The following EPM2A variants were observed in gnomAD, a reference collection of about 807,000 sequenced individuals.
The protein encoded by EPM2A is EPM2A glucan phosphatase, laforin.
EPM2A carries 21 observed loss-of-function variants against 26.5 expected under a neutral mutation model. That is an observed-to-expected ratio of 0.79 (90% CI 0.56 to 1.14). EPM2A has a LOEUF of 1.14. Among genes scored for constraint, EPM2A ranks in the 50% most tolerant of loss-of-function variants. The pLI is 0.00. For synonymous variants in EPM2A, 217 were observed against 177.6 expected (o/e 1.22, Z -1.76); for missense variants, 458 against 440.8 (o/e 1.04, Z -0.35).
At chr6:145,616,452 C>G (rs545295068) in intron 2 of EPM2A, among the ~76,000 whole-genome samples, 6 of 152,178 alleles carry the variant, frequency 3.9e-5, no homozygotes, top group Non-Finnish European at 8.8e-5. Context: ...GCTAGGGCAG[C>G]GAGGAAGGGA....
intron 1 of EPM2A, among the ~76,000 whole-genome samples, chr6:145,688,127 G>A (rs1781052119): frequency 6.6e-6 from 1 of 151,916 alleles, no homozygotes; most frequent in Non-Finnish European, 1.5e-5. Context: ...TTTATCATAA[G>A]AGCAACTAAA....
chr6:145,506,750 A>G (rs1348696555), intron 2 of EPM2A, among the ~76,000 whole-genome samples: 1 of 152,228 alleles, frequency 6.6e-6, no homozygotes, highest in Admixed American at 6.5e-5. Context: ...GGCGTGGCCC[A>G]GTCTCCAGCT....
At chr6:145,390,568 T>A (rs1167680432) in intron 4 of EPM2A, among the ~76,000 whole-genome samples, 1 of 151,336 alleles carries the variant, frequency 6.6e-6, no homozygotes, top group African/African-American at 2.4e-5. Context: ...GCACATTCTC[T>A]CTCTCTCTCT....
intron 1 of EPM2A, among the ~76,000 whole-genome samples, chr6:145,728,516 T>C (rs1336690207): frequency 6.6e-6 from 1 of 152,240 alleles, no homozygotes; most frequent in Non-Finnish European, 1.5e-5. Flanking sequence ...ATTGTGCTCC[T>C]GCTCTAGAGA....
At position 145,465,552 on chromosome 6, in the gene EPM2A, T is replaced by G. The variant is rs993047276; in HGVS notation, c.555+36970A>C. On this transcript the variant is annotated intron_variant, in intron 4 of 4. Coordinates refer to the EPM2A transcript ENST00000638717. ...TTGGAGAGGAGAGGCGCTCTGCTTTTTAGAGTTTCCAGTTTTTCTGCTCTG... is the reference window on the plus strand; with the variant it reads ...TTGGAGAGGAGAGGCGCTCTGCTTTGTAGAGTTTCCAGTTTTTCTGCTCTG... Among the ~76,000 whole-genome samples, 3 of 151,318 alleles carry G rather than the reference T, an allele frequency of 2.0e-5. No homozygotes were observed. The Admixed American group carries it at 2.0e-4, about 10-fold the overall frequency.
At chr6:145,475,269 T>A (rs545973882) in intron 4 of EPM2A, among the ~76,000 whole-genome samples, 3 of 152,254 alleles carry the variant, frequency 2.0e-5, no homozygotes, top group Admixed American at 1.3e-4. Flanking sequence ...ATATACACCA[T>A]GGAATACTAT....
chr6:145,584,891 C>T (rs993565023), intron 2 of EPM2A, among the ~76,000 whole-genome samples: 5 of 152,184 alleles, frequency 3.3e-5, no homozygotes, highest in East Asian at 1.9e-4. Flanking sequence ...GATGTCCCTC[C>T]GGGCTGCATT....
At position 145,635,642 on chromosome 6, in the gene EPM2A, G is replaced by C. The variant is rs1776607507; in HGVS notation, c.477-156C>G. 8.5e-6 allele frequency: 6 copies of C among 704,756 alleles called. No individual in the cohort carries two copies. The East Asian group carries it at 1.3e-4, about 16-fold the overall frequency. 43.7% of individuals were successfully genotyped at this position (704,756 alleles called of 1,614,324 possible). A position where few individuals can be genotyped will look rare whatever the true frequency, so the allele number is the denominator to read the frequency against. On this transcript the variant is annotated intron_variant, in intron 2 of 3. Transcript: ENST00000367519. ...GAATATGAACACCAATGTTATTATT[G>C]AAAGAAAAAGTACTGGTGTTGCTGC...
intron 1 of EPM2A, among the ~76,000 whole-genome samples, chr6:145,698,114 CGTT>C (rs1562499633): frequency 6.6e-6 from 1 of 152,192 alleles, no homozygotes; most frequent in Admixed American, 6.5e-5. Flanking sequence ...TCACAATCCA[CGTT>C]CTTCTGCCAT....
chr6:145,577,764 C>A (rs1347317863), intron 2 of EPM2A, among the ~76,000 whole-genome samples: 2 of 151,998 alleles, frequency 1.3e-5, no homozygotes, highest in African/African-American at 4.8e-5. Flanking sequence ...CTCATTAGCA[C>A]ATGAAACATA....
In EPM2A at chr6:145,735,251, G is replaced by T. The variant is rs780634800; in HGVS notation, c.248C>A (p.Thr83Lys). 4 of 1,533,880 alleles carry T rather than the reference G, an allele frequency of 2.6e-6. No homozygotes were observed. The South Asian group carries it at 4.8e-5, about 19-fold the overall frequency. Residue 83 changes from threonine (T) to lysine (K), a missense_variant, in exon 1 of 4, where the codon ACG becomes AAG. Transcript: ENST00000367519. ...CCGCTTCAGGAACTTGTACCAGAAC[G>T]TGTCCACGCGGCCCGGCTCCGCCCC... Reference protein sequence around the residue: ...QDGAEPGRVDTFWYKFLKREP... With the variant: ...QDGAEPGRVDKFWYKFLKREP...
At chr6:145,690,552 C>CTCAT (rs1781218311) in intron 1 of EPM2A, among the ~76,000 whole-genome samples, 1 of 148,754 alleles carries the variant, frequency 6.7e-6, no homozygotes, top group African/African-American at 2.5e-5. Flanking sequence ...AAGAGCTAAC[C>CTCAT]TCATTACATA....
intron 4 of EPM2A, among the ~76,000 whole-genome samples, chr6:145,415,705 T>A (rs564939191): frequency 1.7e-4 from 26 of 152,314 alleles, no homozygotes; most frequent in African/African-American, 6.0e-4. Flanking sequence ...GTACATTATC[T>A]TATCTTATTC....
intron 4 of EPM2A, among the ~76,000 whole-genome samples, chr6:145,392,948 A>G (rs1309090919): frequency 6.6e-6 from 1 of 152,102 alleles, no homozygotes; most frequent in African/African-American, 2.4e-5. Flanking sequence ...ATTCAATGAT[A>G]TATCCAAAAA....
Position 145,690,976 on chromosome 6 carries a change from TA to T in EPM2A, c.302-4681del, listed in dbSNP as rs879100094. Among the ~76,000 whole-genome samples, 850 of 137,742 alleles carry T rather than the reference TA, an allele frequency of 6.2e-3. 13 individuals carry two copies. In the East Asian group the frequency reaches 0.065, roughly 11 times the overall value. 90.4% of individuals were successfully genotyped at this position (137,742 alleles called of 152,430 possible). ...CAAACAACAGAAAAGTAGGCTGAAT[TA>T]AAAAAAAAAAAAACAGACACTTAGG... On this transcript the variant is annotated intron_variant, in intron 1 of 3. Transcript: ENST00000367519.
chr6:145,578,685 GA>G (rs1470435249), intron 2 of EPM2A, among the ~76,000 whole-genome samples: 2 of 152,108 alleles, frequency 1.3e-5, no homozygotes, highest in African/African-American at 4.8e-5. Flanking sequence ...TATCCTTTTG[GA>G]AAAACAAATA....
intron 4 of EPM2A, among the ~76,000 whole-genome samples, chr6:145,409,520 G>A (rs941498207): frequency 6.6e-6 from 1 of 152,120 alleles, no homozygotes; most frequent in Non-Finnish European, 1.5e-5. Flanking sequence ...AAATTTCAAA[G>A]AAGTGTTCTA....
chr6:145,643,395 T>C (rs1173424095), intron 2 of EPM2A, among the ~76,000 whole-genome samples: 1 of 152,200 alleles, frequency 6.6e-6, no homozygotes, highest in Admixed American at 6.5e-5. Flanking sequence ...TTTATTTTTA[T>C]TATGGAAATG....
intron 2 of EPM2A, among the ~76,000 whole-genome samples, chr6:145,654,060 C>T (rs1778079607): frequency 6.6e-6 from 1 of 152,292 alleles, no homozygotes; most frequent in South Asian, 2.1e-4. Context: ...CAGTAAGCTC[C>T]AGTAGGGCAG....
Sources: gnomAD v4.1 joint callset for allele counts (sites outside exome capture counted in the v4.1 genomes callset) on GRCh38, gnomAD v4.1.1 for gene constraint, MANE v1.5 for transcripts, NCBI Gene and HGNC (gene_info 2026-07-23, HGNC 2026-07-21) for gene names.